The following KIF2A variants were observed in gnomAD, a reference collection of about 807,000 sequenced individuals.
The protein encoded by KIF2A is kinesin family member 2A.
Under a neutral mutation model 100.2 loss-of-function variants are expected in KIF2A, and 22 were observed. That is an observed-to-expected ratio of 0.22 (90% CI 0.16 to 0.31). The LOEUF is 0.31. Ranked by LOEUF, KIF2A falls within the 10% of genes least tolerant of loss-of-function variation. KIF2A has a pLI of 1.00. For missense variants in KIF2A, 495 were observed against 898.7 expected (o/e 0.55, Z 5.74); for synonymous variants, 268 against 285.9 (o/e 0.94, Z 0.63).
intron 6 of KIF2A, among the ~76,000 whole-genome samples, chr5:62,354,227 A>G (rs186870304): frequency 1.7e-4 from 26 of 152,276 alleles, no homozygotes; most frequent in African/African-American, 5.5e-4. Context: ...ATCTACTAAT[A>G]CTTAGCATAG....
chr5:62,357,987 G>T, intron 8 of KIF2A, 150 bp from the exon 9 acceptor site: 1 of 676,802 alleles, frequency 1.5e-6, no homozygotes, highest in Non-Finnish European at 2.4e-6. Flanking sequence ...GAAATATTTT[G>T]TCTTAGTGAG....
chr5:62,356,851 T>C (rs1307931183), intron 7 of KIF2A, among the ~76,000 whole-genome samples: 1 of 151,252 alleles, frequency 6.6e-6, no homozygotes, highest in Non-Finnish European at 1.5e-5. Flanking sequence ...AGTGGCAGGA[T>C]CTCGGCTCAC....
At chr5:62,315,306 C>T (rs1237337603) in intron 1 of KIF2A, among the ~76,000 whole-genome samples, 1 of 150,532 alleles carries the variant, frequency 6.6e-6, no homozygotes, top group African/African-American at 2.4e-5. Context: ...GTTCCTTTGC[C>T]TAGAGATTCT....
chr5:62,363,009 G>A (rs557757386), intron 12 of KIF2A, among the ~76,000 whole-genome samples, 169 bp from the exon 13 acceptor site: 2 of 152,196 alleles, frequency 1.3e-5, no homozygotes, highest in Admixed American at 6.5e-5. Context: ...TTTATTTTTA[G>A]CAGAGACAAG....
At chr5:62,329,985 A>G (rs1246677177) in intron 1 of KIF2A, among the ~76,000 whole-genome samples, 1 of 152,232 alleles carries the variant, frequency 6.6e-6, no homozygotes, top group Non-Finnish European at 1.5e-5. Flanking sequence ...TTTGCATTCT[A>G]CAGTGGCAAT....
At chr5:62,333,096 A>G (rs1746741364) in intron 1 of KIF2A, among the ~76,000 whole-genome samples, 2 of 152,194 alleles carry the variant, frequency 1.3e-5, no homozygotes, top group South Asian at 4.1e-4. Context: ...TATCGATTAT[A>G]TTTGGAATGT....
chr5:62,348,625 T>C (rs1747692945), intron 3 of KIF2A, among the ~76,000 whole-genome samples: 1 of 152,226 alleles, frequency 6.6e-6, no homozygotes, highest in African/African-American at 2.4e-5. Flanking sequence ...ATGATATACC[T>C]TAAAACTGTG....
Position 62,306,387 on chromosome 5 carries a change from C to CA in KIF2A, c.-86_-85insA. The CA allele has an allele frequency of 1.5e-5, 15 of 979,356 alleles. No individual in the cohort carries two copies. The highest frequency in any genetic ancestry group is 5.7e-5 in the East Asian group (2 of 35,286). 60.7% of individuals were successfully genotyped at this position (979,356 alleles called of 1,614,324 possible). On this transcript the variant is annotated 5_prime_UTR_variant, in exon 1 of 21. Coordinates refer to ENST00000407818, the MANE Select transcript of KIF2A (RefSeq NM_001098511.3). ...GCGCGGCCGCGGGCAACCGCTCCCC[C>CA]TCCCACACCTACCCCGCCCCCTCCC... is the stretch of plus-strand genomic sequence containing the variant.
intron 1 of KIF2A, among the ~76,000 whole-genome samples, chr5:62,309,552 G>A (rs539671721): frequency 8.5e-5 from 13 of 152,172 alleles, no homozygotes; most frequent in African/African-American, 1.4e-4. Context: ...CTTCCATAAC[G>A]TCTATATTGG....
chr5:62,359,862 A>T (rs975596924), intron 9 of KIF2A, among the ~76,000 whole-genome samples: 4 of 152,052 alleles, frequency 2.6e-5, no homozygotes, highest in African/African-American at 7.2e-5. Flanking sequence ...GCTCATCCCT[A>T]GTTCTGTTTG....
At chr5:62,366,830 C>CAAA (rs753260744) in intron 16 of KIF2A, among the ~76,000 whole-genome samples, 1 of 82,050 alleles carries the variant, frequency 1.2e-5, no homozygotes, top group Non-Finnish European at 2.6e-5. Context: ...GACTCCGTCT[C>CAAA]AAAAAAAAAA....
intron 9 of KIF2A, 107 bp downstream of exon 9, chr5:62,358,406 T>G: frequency 3.0e-6 from 2 of 667,400 alleles, no homozygotes; most frequent in Non-Finnish European, 5.0e-6. Context: ...TGCAATATGC[T>G]GTTTTATTCT....
At position 62,387,056 on chromosome 5, in the gene KIF2A, T is replaced by G. The variant is rs191452140; in HGVS notation, c.*1487T>G. Among the ~76,000 whole-genome samples the G allele has an allele frequency of 1.3e-5, 2 of 152,338 alleles. No homozygotes were observed. The highest frequency in any genetic ancestry group is 3.9e-4 in the East Asian group (2 of 5,186). ...GGGTCACATGAGCCAGATTCTTTAC[T>G]GTTCATAAAACCCAGAGAGTAGTTG... On this transcript the variant is annotated 3_prime_UTR_variant, in exon 21 of 21. Transcript: ENST00000407818.
chr5:62,368,977 T>A (rs114019167), intron 16 of KIF2A, among the ~76,000 whole-genome samples: 2 of 152,192 alleles, frequency 1.3e-5, no homozygotes, highest in East Asian at 3.8e-4. Context: ...AGAATAATTC[T>A]TGAGAAAGAT....
At position 62,357,633 on chromosome 5, in the gene KIF2A, G is replaced by C. The variant is rs889761575; in HGVS notation, c.655-58G>C. On this transcript the variant is annotated intron_variant, in intron 7 of 20. Transcript: ENST00000407818. ...CTGGAGGAAATATTACATAATTTAC[G>C]TTTTAGTGTTTTACATGACACTAAT... is the stretch of plus-strand genomic sequence containing the variant. 8.3e-5 allele frequency: 69 copies of C among 827,656 alleles called. No homozygotes were observed. The African/African-American group carries it at 1.2e-3, about 14-fold the overall frequency. 51.3% of individuals were successfully genotyped at this position (827,656 alleles called of 1,614,324 possible). A position where few individuals can be genotyped will look rare whatever the true frequency, so the allele number is the denominator to read the frequency against.
intron 4 of KIF2A, among the ~76,000 whole-genome samples, chr5:62,351,971 T>C (rs1344152708): frequency 1.3e-5 from 2 of 152,086 alleles, no homozygotes; most frequent in Non-Finnish European, 2.9e-5. Context: ...CTGACCAATA[T>C]GGTGAAACCT....
At chr5:62,363,613 G>A (rs1740919221) in intron 13 of KIF2A, 82 bp from the exon 14 acceptor site, 3 of 1,250,060 alleles carry the variant, frequency 2.4e-6, no homozygotes, top group East Asian at 2.3e-5. Flanking sequence ...TTTTGCTGCT[G>A]TTGTTTTTAA....
intron 1 of KIF2A, among the ~76,000 whole-genome samples, chr5:62,312,526 G>A (rs1561244774): frequency 1.3e-5 from 2 of 152,140 alleles, no homozygotes; most frequent in Admixed American, 6.6e-5. Flanking sequence ...TAATTTTAAG[G>A]TGTTTGTTTA....
At chr5:62,350,538 G>A (rs1384452490) in intron 4 of KIF2A, among the ~76,000 whole-genome samples, 2 of 151,964 alleles carry the variant, frequency 1.3e-5, no homozygotes, top group Non-Finnish European at 2.9e-5. Flanking sequence ...GCCTCCCAAA[G>A]TGTTGGGATT....
Sources: allele counts gnomAD v4.1 joint callset (sites outside exome capture counted in the v4.1 genomes callset), GRCh38; gene constraint gnomAD v4.1.1; transcripts MANE v1.5; gene names NCBI Gene and HGNC (gene_info 2026-07-23, HGNC 2026-07-21).